FAM228B: variants seen among roughly 807,000 people sequenced by gnomAD.
The protein encoded by FAM228B is family with sequence similarity 228 member B, also known as protein FAM228B.
Under a neutral mutation model 42.6 loss-of-function variants are expected in FAM228B, and 38 were observed. The observed-to-expected ratio is 0.89, with a 90% CI of 0.69 to 1.17. FAM228B has a LOEUF of 1.17. FAM228B is among the 50% of genes most tolerant of loss of function. FAM228B has a pLI of 0.00. For missense variants in FAM228B, 344 were observed against 367.3 expected, an observed-to-expected ratio of 0.94 and a Z score of 0.52; for synonymous variants, 109 against 122.3, an observed-to-expected ratio of 0.89 and a Z score of 0.72.
intron 3 of FAM228B, chr2:24,096,566 A>G (rs1665502262): frequency 1.3e-5 from 2 of 151,782 alleles, no homozygotes; most frequent in East Asian, 1.9e-4. Flanking sequence ...AATAAAGCAA[A>G]TAAGACAAGG....
intron 2 of FAM228B, among the ~76,000 whole-genome samples, chr2:24,092,924 GCACACACACACACACA>G (rs3030954): frequency 7.5e-5 from 10 of 133,514 alleles, no homozygotes; most frequent in Admixed American, 1.5e-4. Context: ...ATGATTTTAT[GCACACACACACACACA>G]CACACACACA....
At chr2:24,147,146 G>T in intron 7 of FAM228B, 60 bp downstream of exon 7, 1 of 1,139,210 alleles carries the variant, frequency 8.8e-7, no homozygotes, top group South Asian at 1.9e-5. Context: ...TCTTCAGACT[G>T]ATATAACATT....
chr2:24,111,737 G>T (rs985593413), intron 3 of FAM228B, among the ~76,000 whole-genome samples: 1 of 152,092 alleles, frequency 6.6e-6, no homozygotes, highest in Non-Finnish European at 1.5e-5. Context: ...GACTCAGCTA[G>T]TTCAAATGTC....
rs1195534512 is a variant in FAM228B, at chr2:24,149,054, G to T, written c.686+1968G>T. Among the ~76,000 whole-genome samples the T allele has an allele frequency of 9.2e-5, 14 of 152,278 alleles. 1 individual carries two copies. The highest frequency in any genetic ancestry group is 9.2e-4 in the Admixed American group (14 of 15,298). On this transcript the variant is annotated intron_variant, in intron 7 of 10. Coordinates refer to ENST00000615575, the MANE Select transcript of FAM228B (RefSeq NM_001145710.2). ...CCATCCATATTGTTGCTAATAACAG[G>T]GTCTCATTCTTTTTTATGGCTGAAT...
chr2:24,164,025 C>A (rs1384936371), intron 8 of FAM228B, among the ~76,000 whole-genome samples, 173 bp from the exon 9 acceptor site: 2 of 151,774 alleles, frequency 1.3e-5, no homozygotes, highest in African/African-American at 4.8e-5. Flanking sequence ...TAGAGCAAGG[C>A]AATACTATTT....
chr2:24,111,912 C>A (rs1665802701), intron 3 of FAM228B, among the ~76,000 whole-genome samples: 1 of 152,120 alleles, frequency 6.6e-6, no homozygotes, highest in Non-Finnish European at 1.5e-5. Context: ...AAATTCCTTC[C>A]TTGTAAGAGA....
chr2:24,129,607 TCTG>T (rs1666404389), intron 2 of FAM228B, among the ~76,000 whole-genome samples: 1 of 152,176 alleles, frequency 6.6e-6, no homozygotes, highest in South Asian at 2.1e-4. Flanking sequence ...TCATCTCTAA[TCTG>T]CTACTAACCC....
intron 2 of FAM228B, chr2:24,082,947 A>G (rs1292899034): frequency 4.3e-6 from 7 of 1,613,812 alleles, no homozygotes; most frequent in Non-Finnish European, 5.9e-6. Context: ...AGCCTGGGTC[A>G]GGGTCAATCC....
At chr2:24,107,105 C>G (rs1321793847) in intron 3 of FAM228B, among the ~76,000 whole-genome samples, 1 of 151,744 alleles carries the variant, frequency 6.6e-6, no homozygotes, top group Non-Finnish European at 1.5e-5. Flanking sequence ...AAACAGAAAA[C>G]AGAAAAAAAG....
At chr2:24,127,343 A>G (rs552405497) in intron 2 of FAM228B, among the ~76,000 whole-genome samples, 36 of 152,314 alleles carry the variant, frequency 2.4e-4, no homozygotes, top group Admixed American at 5.9e-4. Flanking sequence ...TCCCTTCATC[A>G]GTGGATGGAC....
chr2:24,133,186 T>C (rs1666497365), intron 2 of FAM228B, among the ~76,000 whole-genome samples: 1 of 152,204 alleles, frequency 6.6e-6, no homozygotes. Flanking sequence ...GTGCTGTTTT[T>C]TTTTCTTGGT....
chr2:24,106,977 G>C (rs1330638096), intron 3 of FAM228B, among the ~76,000 whole-genome samples: 1 of 152,156 alleles, frequency 6.6e-6, no homozygotes, highest in Admixed American at 6.6e-5. Context: ...AAAAGGCACA[G>C]AGTGGCAAGC....
At chr2:24,079,305 T>A (rs1465525126) in intron 1 of FAM228B, 3 of 882,868 alleles carry the variant, frequency 3.4e-6, no homozygotes, top group Non-Finnish European at 5.1e-6. Context: ...TCGGGTTCCC[T>A]CTTTATCTTC....
intron 5 of FAM228B, among the ~76,000 whole-genome samples, chr2:24,144,909 C>T (rs572463908): frequency 9.2e-5 from 14 of 152,306 alleles, no homozygotes; most frequent in Admixed American, 8.5e-4. Flanking sequence ...CCACCATTGG[C>T]GAGAGCCCAC....
intron 7 of FAM228B, among the ~76,000 whole-genome samples, chr2:24,148,425 T>G (rs1354190846): frequency 6.6e-6 from 1 of 152,212 alleles, no homozygotes; most frequent in Non-Finnish European, 1.5e-5. Flanking sequence ...AGCAGGACTT[T>G]CCTGAGGTTC....
At chr2:24,142,960 C>T (rs574475079) in intron 5 of FAM228B, among the ~76,000 whole-genome samples, 4 of 152,186 alleles carry the variant, frequency 2.6e-5, no homozygotes, top group Admixed American at 1.3e-4. Context: ...TACAAAATTA[C>T]GCGTGGGAAA....
At chr2:24,115,668 GATTC>G (rs1236084018) in intron 3 of FAM228B, 1 of 1,552,722 alleles carries the variant, frequency 6.4e-7, no homozygotes, top group African/African-American at 1.4e-5. Flanking sequence ...CACTACAAAT[GATTC>G]ATTCATCCAT....
chr2:24,097,339 TAA>T (rs1158110319), intron 3 of FAM228B: 8 of 147,736 alleles, frequency 5.4e-5, no homozygotes, highest in Non-Finnish European at 1.2e-4. Context: ...GCAAATTGGA[TAA>T]AGAGTCAAGA....
At chr2:24,097,853 C>T (rs1665533162) in intron 3 of FAM228B, among the ~76,000 whole-genome samples, 1 of 152,210 alleles carries the variant, frequency 6.6e-6, no homozygotes, top group Non-Finnish European at 1.5e-5. Context: ...TCACATCACA[C>T]TTATTCTAAA....
Sources: gnomAD v4.1 joint callset for allele counts (sites outside exome capture counted in the v4.1 genomes callset) on GRCh38, gnomAD v4.1.1 for gene constraint, MANE v1.5 for transcripts, NCBI Gene and HGNC (gene_info 2026-07-23, HGNC 2026-07-21) for gene names.